Variants in RBFOX3 observed in about 807,000 individuals in gnomAD.
The protein encoded by RBFOX3 is RNA binding protein fox-1 homolog 3.
Under a neutral mutation model 48.7 loss-of-function variants are expected in RBFOX3, and 17 were observed. That is an observed-to-expected ratio of 0.35 (90% CI 0.24 to 0.52). RBFOX3 has a LOEUF of 0.52. RBFOX3 is among the 20% of genes least tolerant of loss of function. RBFOX3 has a pLI of 0.94. For synonymous variants in RBFOX3, 212 were observed against 209.5 expected (o/e 1.01, Z -0.10); for missense variants, 382 against 497.5 (o/e 0.77, Z 2.21).
chr17:79,357,961 A>T (rs1019524797), intron 2 of RBFOX3, among the ~76,000 whole-genome samples: 3 of 151,264 alleles, frequency 2.0e-5, no homozygotes, highest in African/African-American at 2.4e-5. Flanking sequence ...ATTATTATAT[A>T]TTATTATTAT....
At chr17:79,551,519 G>GTGGA (rs2091149361) in intron 1 of RBFOX3, among the ~76,000 whole-genome samples, 1 of 111,198 alleles carries the variant, frequency 9.0e-6, no homozygotes. Flanking sequence ...AGGTGGATGG[G>GTGGA]TGGATGGATG....
At chr17:79,549,464 T>G (rs1204995662) in intron 1 of RBFOX3, among the ~76,000 whole-genome samples, 1 of 152,254 alleles carries the variant, frequency 6.6e-6, no homozygotes, top group Non-Finnish European at 1.5e-5. Context: ...AAGCTAATGT[T>G]TCTGCAGAGA....
intron 3 of RBFOX3, among the ~76,000 whole-genome samples, chr17:79,250,806 C>T (rs921179796): frequency 6.9e-6 from 1 of 145,058 alleles, no homozygotes; most frequent in Non-Finnish European, 1.5e-5. Flanking sequence ...TCCCTCCCTC[C>T]CTCCCTTTCT....
intron 3 of RBFOX3, among the ~76,000 whole-genome samples, chr17:79,280,108 G>A (rs199821640): frequency 1.1e-5 from 1 of 87,164 alleles, no homozygotes; most frequent in African/African-American, 4.8e-5. Flanking sequence ...ATGCACATGT[G>A]TATGCACACA....
chr17:79,263,652 C>T (rs114744557), intron 3 of RBFOX3, among the ~76,000 whole-genome samples: 516 of 152,256 alleles, frequency 3.4e-3, no homozygotes, highest in African/African-American at 0.011. Context: ...GCCACCACAC[C>T]CCCTCTGCCC....
chr17:79,342,186 G>A (rs141018951), intron 2 of RBFOX3, among the ~76,000 whole-genome samples: 1 of 152,226 alleles, frequency 6.6e-6, no homozygotes, highest in Admixed American at 6.5e-5. Context: ...TTTATTTATG[G>A]GGCCCTTGTT....
chr17:79,637,505 C>G, the RBFOX3 span, among the ~76,000 whole-genome samples: 1 of 151,754 alleles, frequency 6.6e-6, no homozygotes, highest in Admixed American at 6.6e-5. Context: ...ACCAGCCTGG[C>G]TAACATGGTG....
chr17:79,177,178 C>G (rs2050745783), intron 4 of RBFOX3, among the ~76,000 whole-genome samples: 1 of 151,916 alleles, frequency 6.6e-6, no homozygotes, highest in African/African-American at 2.4e-5. Flanking sequence ...CTCCCCAGAG[C>G]TGGCCCAAGG....
intron 3 of RBFOX3, among the ~76,000 whole-genome samples, chr17:79,261,487 C>A (rs925846676): frequency 3.3e-5 from 5 of 152,256 alleles, no homozygotes; most frequent in African/African-American, 1.2e-4. Context: ...CAGGTGGAGG[C>A]GCTGTACTGC....
chr17:79,520,566 C>T (rs1008019204), intron 1 of RBFOX3, among the ~76,000 whole-genome samples: 2 of 152,232 alleles, frequency 1.3e-5, no homozygotes, highest in South Asian at 4.1e-4. Context: ...GCCCACCAGC[C>T]GTCTCCCTCT....
rs565180002 is a variant in RBFOX3 at position 79,101,738 on chromosome 17, C to T, written c.508-94G>A. 14 of 1,104,856 alleles carry T rather than the reference C, an allele frequency of 1.3e-5. No homozygotes were observed. In the East Asian group the frequency reaches 2.3e-4, roughly 18 times the overall value. 68.4% of individuals were successfully genotyped at this position (1,104,856 alleles called of 1,614,324 possible). A position where few individuals can be genotyped will look rare whatever the true frequency, so the allele number is the denominator to read the frequency against. On this transcript the variant is annotated intron_variant, in intron 8 of 14. Coordinates refer to ENST00000693108, the MANE Select transcript of RBFOX3 (RefSeq NM_001350451.2). ...CTCCCCGCCCTGCTCCGTTAGCCCC[C>T]GGCACCCCCCGCCCCAGCCTCCTCT...
At chr17:79,636,061 T>C in the RBFOX3 span, among the ~76,000 whole-genome samples, 1 of 152,284 alleles carries the variant, frequency 6.6e-6, no homozygotes, top group East Asian at 1.9e-4. Flanking sequence ...TTTCCAGGAA[T>C]CTATCCCACT....
intron 2 of RBFOX3, among the ~76,000 whole-genome samples, chr17:79,386,856 T>C (rs1384048317): frequency 6.6e-6 from 1 of 152,250 alleles, no homozygotes; most frequent in African/African-American, 2.4e-5. Flanking sequence ...CTAGCAGCCA[T>C]GTCCGTGTGT....
intron 3 of RBFOX3, 89 bp from the exon 4 acceptor site, chr17:79,235,894 G>A (rs945847785): frequency 6.5e-6 from 1 of 153,420 alleles, no homozygotes; most frequent in Non-Finnish European, 1.5e-5. Flanking sequence ...TTTGCTCATC[G>A]ACTAGGGAAG....
At chr17:79,401,167 A>G (rs571535647) in intron 2 of RBFOX3, among the ~76,000 whole-genome samples, 3 of 152,332 alleles carry the variant, frequency 2.0e-5, no homozygotes, top group African/African-American at 7.2e-5. Flanking sequence ...GGGGAGATCA[A>G]TTCCTACAGG....
At chr17:79,420,461 T>G (rs1419284822) in intron 2 of RBFOX3, among the ~76,000 whole-genome samples, 1 of 152,178 alleles carries the variant, frequency 6.6e-6, no homozygotes, top group African/African-American at 2.4e-5. Context: ...GGCGGAGTCC[T>G]CTGCCAGCCA....
intron 3 of RBFOX3, among the ~76,000 whole-genome samples, chr17:79,280,842 G>GT (rs1567969707): frequency 1.2e-4 from 3 of 24,826 alleles, no homozygotes; most frequent in South Asian, 2.5e-3. Context: ...GTCCCATTGT[G>GT]GGGGGGGGGA....
In RBFOX3 at chr17:79,092,766, A is replaced by G. The variant is rs561274078; in HGVS notation, c.1077+1685T>C. 26 of 448,732 alleles carry G rather than the reference A, an allele frequency of 5.8e-5. 1 individual carries two copies. In the South Asian group the frequency reaches 2.4e-3, roughly 41 times the overall value. 27.8% of individuals were successfully genotyped at this position (448,732 alleles called of 1,614,324 possible). On this transcript the variant is annotated intron_variant, in intron 14 of 14. Transcript: ENST00000693108. ...GCCAAGTCTCGATTTCTTTCCCCCT[A>G]TATTCCTTGGGGAGAAAGGAGTTGG...
At chr17:79,488,266 G>T (rs776258440) in intron 1 of RBFOX3, among the ~76,000 whole-genome samples, 15 of 152,200 alleles carry the variant, frequency 9.9e-5, no homozygotes, top group Non-Finnish European at 2.1e-4. Flanking sequence ...CTCATCTGAG[G>T]ACATGGCTTC....
Sources: allele counts gnomAD v4.1 joint callset (sites outside exome capture counted in the v4.1 genomes callset), GRCh38; gene constraint gnomAD v4.1.1; transcripts MANE v1.5; gene names NCBI Gene and HGNC (gene_info 2026-07-23, HGNC 2026-07-21).